Variants in RXRA observed in about 807,000 individuals in gnomAD.
The protein encoded by RXRA is retinoid X receptor alpha, also known as retinoic acid receptor RXR-alpha.
RXRA carries 5 observed loss-of-function variants against 44.5 expected under a neutral mutation model. The observed-to-expected ratio is 0.11, with a 90% CI of 0.06 to 0.24. The LOEUF is 0.24. RXRA is among the 10% of genes least tolerant of loss of function. The probability of loss-of-function intolerance (pLI) is 1.00; values close to 1 mark genes in which losing one functional copy is unlikely to be tolerated. For missense variants in RXRA, 412 were observed against 646.5 expected (o/e 0.64, Z 3.93); for synonymous variants, 291 against 271.4 (o/e 1.07, Z -0.71).
chr9:134,424,144 G>A, intron 6 of RXRA: 1 of 985,378 alleles, frequency 1.0e-6, no homozygotes, highest in Non-Finnish European at 1.2e-6. Flanking sequence ...GTGCAGTGCT[G>A]AGGTTAGAGG....
intron 6 of RXRA, chr9:134,422,100 T>G: frequency 8.1e-7 from 1 of 1,232,364 alleles, no homozygotes; most frequent in Non-Finnish European, 1.0e-6. Flanking sequence ...TCCCGACTCC[T>G]GGGACACACT....
intron 1 of RXRA, among the ~76,000 whole-genome samples, chr9:134,397,045 C>T (rs187130935): frequency 2.6e-5 from 4 of 152,322 alleles, no homozygotes; most frequent in Admixed American, 6.5e-5. Context: ...AGGCAGAGGC[C>T]GGAAGGGAGT....
rs773916979 is a variant in RXRA, at chr9:134,395,857, A to G, written c.29-5775A>G. On this transcript the variant is annotated intron_variant, in intron 1 of 9. Transcript: ENST00000481739. The stretch of plus-strand genomic sequence containing the variant: ...TTAGGGCCAGGGTGTTGGTTGGGGA[A>G]AGGGCAGGGTAACCTCAGAAGAGCT... Among the ~76,000 whole-genome samples the G allele has an allele frequency of 3.3e-5, 5 of 152,330 alleles. No individual in the cohort carries two copies. In the South Asian group the frequency reaches 6.2e-4, roughly 19 times the overall value.
At chr9:134,358,616 C>T (rs1830311929) in intron 1 of RXRA, among the ~76,000 whole-genome samples, 1 of 152,202 alleles carries the variant, frequency 6.6e-6, no homozygotes, top group South Asian at 2.1e-4. Context: ...TTCCAGGCTC[C>T]TGTTTGGATG....
chr9:134,420,104 C>G (rs905632679), intron 5 of RXRA, among the ~76,000 whole-genome samples: 1 of 152,202 alleles, frequency 6.6e-6, no homozygotes, highest in Non-Finnish European at 1.5e-5. Flanking sequence ...CTGGGAAGTT[C>G]CTGGGTACAA....
At chr9:134,370,257 G>C (rs1358073770) in intron 1 of RXRA, among the ~76,000 whole-genome samples, 1 of 152,170 alleles carries the variant, frequency 6.6e-6, no homozygotes, top group Non-Finnish European at 1.5e-5. Flanking sequence ...CTGAGCTTGA[G>C]CACTGGCTCC....
intron 1 of RXRA, among the ~76,000 whole-genome samples, chr9:134,400,862 G>T (rs1296253899): frequency 6.6e-6 from 1 of 152,160 alleles, no homozygotes; most frequent in African/African-American, 2.4e-5. Context: ...CACGTGAGAG[G>T]TGCCCCATTC....
chr9:134,421,865 C>T (rs1466512053), intron 6 of RXRA, 60 bp downstream of exon 6: 2 of 1,595,436 alleles, frequency 1.3e-6, no homozygotes, highest in Admixed American at 1.7e-5. Context: ...CGTACCAGGA[C>T]ACTCCCCCCT....
At chr9:134,395,847 T>C (rs1196890340) in intron 1 of RXRA, among the ~76,000 whole-genome samples, 2 of 152,190 alleles carry the variant, frequency 1.3e-5, no homozygotes, top group African/African-American at 4.8e-5. Flanking sequence ...GCCAGGGTGT[T>C]GGTTGGGGAA....
At chr9:134,421,133 G>A (rs1445452210) in intron 5 of RXRA, among the ~76,000 whole-genome samples, 3 of 152,346 alleles carry the variant, frequency 2.0e-5, no homozygotes, top group South Asian at 2.1e-4. Context: ...AGACTCGTGC[G>A]TCCTGCTGTA....
chr9:134,387,494 C>T (rs1335132507), intron 1 of RXRA, among the ~76,000 whole-genome samples: 1 of 152,262 alleles, frequency 6.6e-6, no homozygotes, highest in African/African-American at 2.4e-5. Flanking sequence ...AGTCCTTTCG[C>T]AATTTGTAAA....
At chr9:134,346,950 G>A (rs1403284785) in intron 1 of RXRA, among the ~76,000 whole-genome samples, 1 of 152,194 alleles carries the variant, frequency 6.6e-6, no homozygotes, top group Admixed American at 6.5e-5. Context: ...AGCTTGAGAG[G>A]CACTGCTTCC....
At chr9:134,372,879 C>T (rs1426924601) in intron 1 of RXRA, among the ~76,000 whole-genome samples, 1 of 152,232 alleles carries the variant, frequency 6.6e-6, no homozygotes, top group Non-Finnish European at 1.5e-5. Flanking sequence ...TGCTTGAGAT[C>T]TGGAATCTGG....
intron 2 of RXRA, chr9:134,403,412 C>T (rs1384546620): frequency 6.6e-6 from 1 of 152,314 alleles, no homozygotes; most frequent in Non-Finnish European, 1.5e-5. Context: ...CACACCAGCC[C>T]TGCCCCTGCT....
rs979626619 is a variant in RXRA, at chr9:134,396,377, T to C, written c.29-5255T>C. ...GGTCCCTGCCACGTCCTCATCCCTGTCCCCGCCAGCGCTGCCCTTCTCCCT... is the reference window on the plus strand; with the variant it reads ...GGTCCCTGCCACGTCCTCATCCCTGCCCCCGCCAGCGCTGCCCTTCTCCCT... On this transcript the variant is annotated intron_variant, in intron 1 of 9. Transcript: ENST00000481739. Among the ~76,000 whole-genome samples the C allele has an allele frequency of 2.6e-5, 4 of 151,930 alleles. No homozygotes were observed. The East Asian group carries it at 7.8e-4, about 30-fold the overall frequency.
At chr9:134,372,914 G>T (rs1564274302) in intron 1 of RXRA, among the ~76,000 whole-genome samples, 1 of 152,244 alleles carries the variant, frequency 6.6e-6, no homozygotes, top group African/African-American at 2.4e-5. Context: ...GGCAGCAGGA[G>T]AGGGGCTGAG....
chr9:134,371,511 C>T (rs1830490798), intron 1 of RXRA, among the ~76,000 whole-genome samples: 1 of 152,022 alleles, frequency 6.6e-6, no homozygotes, highest in South Asian at 2.2e-4. Flanking sequence ...CTTCTGGGGG[C>T]ACCGTCTCTT....
Position 134,330,838 on chromosome 9 carries a change from T to C in RXRA, c.28+4179T>C, listed in dbSNP as rs545563737. On this transcript the variant is annotated intron_variant, in intron 1 of 9. Transcript: ENST00000481739. Reference sequence around the variant, plus strand: ...CTGTCCATCTGAAAAATGGACATACTCATTGGCTCTTCCAAATGCTGGAGA... The same window carrying C: ...CTGTCCATCTGAAAAATGGACATACCCATTGGCTCTTCCAAATGCTGGAGA... Among the ~76,000 whole-genome samples, 7 of 152,346 alleles carry C rather than the reference T, an allele frequency of 4.6e-5. No individual in the cohort carries two copies. In the South Asian group the frequency reaches 1.2e-3, roughly 27 times the overall value.
chr9:134,379,527 G>A (rs1041530425), intron 1 of RXRA: 1 of 986,124 alleles, frequency 1.0e-6, no homozygotes, highest in Admixed American at 6.1e-5. Context: ...CACTGCCAGT[G>A]GCCGTGGCCC....
Sources: gnomAD v4.1 joint callset for allele counts (sites outside exome capture counted in the v4.1 genomes callset) on GRCh38, gnomAD v4.1.1 for gene constraint, MANE v1.5 for transcripts, NCBI Gene and HGNC (gene_info 2026-07-23, HGNC 2026-07-21) for gene names.